Variants in ZNF892 observed in about 807,000 individuals in gnomAD.
The protein encoded by ZNF892 is zinc finger protein 570-like.
At chr2:95,233,264 A>C in the ZNF892 span, among the ~76,000 whole-genome samples, 2 of 151,312 alleles carry the variant, frequency 1.3e-5, no homozygotes, top group African/African-American at 4.9e-5. Context: ...CAGTGGTGCA[A>C]TTATAGCTCA....
the ZNF892 span, among the ~76,000 whole-genome samples, chr2:95,218,310 G>A: frequency 4.6e-5 from 7 of 152,234 alleles, no homozygotes; most frequent in East Asian, 1.4e-3. Flanking sequence ...TTTACTACAA[G>A]CACTAAGGGG....
At chr2:95,217,976 A>T in the ZNF892 span, among the ~76,000 whole-genome samples, 2 of 152,354 alleles carry the variant, frequency 1.3e-5, no homozygotes, top group South Asian at 4.1e-4. Flanking sequence ...ATATTCATAG[A>T]CAAATGGCTC....
the ZNF892 span, among the ~76,000 whole-genome samples, chr2:95,236,377 A>G: frequency 2.0e-5 from 3 of 152,256 alleles, no homozygotes; most frequent in Non-Finnish European, 4.4e-5. Context: ...TTAAGAGAAA[A>G]GAGAAAAGAG....
chr2:95,215,755 G>A, the ZNF892 span, among the ~76,000 whole-genome samples: 178 of 152,300 alleles, frequency 1.2e-3, 2 homozygotes, highest in East Asian at 0.016. Context: ...GACTGTGAAA[G>A]TATAGTTTTA....
chr2:95,243,122 G>A, the ZNF892 span, among the ~76,000 whole-genome samples: 1 of 152,220 alleles, frequency 6.6e-6, no homozygotes, highest in African/African-American at 2.4e-5. Context: ...GAGGTGCCAG[G>A]ATTGCAGACG....
the ZNF892 span, among the ~76,000 whole-genome samples, chr2:95,213,296 C>CTT: frequency 6.6e-6 from 1 of 152,166 alleles, no homozygotes; most frequent in African/African-American, 2.4e-5. Context: ...TGCTTTTAAC[C>CTT]TATTCTACCT....
the ZNF892 span, among the ~76,000 whole-genome samples, chr2:95,218,143 C>G: frequency 6.6e-6 from 1 of 152,180 alleles, no homozygotes; most frequent in African/African-American, 2.4e-5. Context: ...CCCATCTGAT[C>G]TATTTATCAA....
the ZNF892 span, chr2:95,214,845 C>A: frequency 2.0e-6 from 1 of 499,910 alleles, no homozygotes; most frequent in Non-Finnish European, 3.6e-6. Context: ...CCAGAGAATT[C>A]ATACTGGGGA....
chr2:95,224,399 A>G, the ZNF892 span, among the ~76,000 whole-genome samples: 1 of 152,144 alleles, frequency 6.6e-6, no homozygotes, highest in Non-Finnish European at 1.5e-5. Context: ...AGTAAGTTAT[A>G]AGGAAAAGAG....
At chr2:95,222,103 T>C in the ZNF892 span, among the ~76,000 whole-genome samples, 1 of 152,154 alleles carries the variant, frequency 6.6e-6, no homozygotes, top group Non-Finnish European at 1.5e-5. Flanking sequence ...ATTCCACCTG[T>C]GCTGCTTTTT....
At chr2:95,229,189 G>A in the ZNF892 span, among the ~76,000 whole-genome samples, 3 of 152,058 alleles carry the variant, frequency 2.0e-5, no homozygotes, top group African/African-American at 2.4e-5. Flanking sequence ...CCTCAACCAG[G>A]GCAAAATAAA....
chr2:95,215,452 A>G, the ZNF892 span: 46 of 442,072 alleles, frequency 1.0e-4, no homozygotes, highest in African/African-American at 8.5e-4. Context: ...GAAAAGCCCT[A>G]CAAGTGTAAG....
At chr2:95,215,486 G>C in the ZNF892 span, 39 of 431,450 alleles carry the variant, frequency 9.0e-5, no homozygotes, top group Non-Finnish European at 1.4e-4. Context: ...CCTTTAGCCA[G>C]AGTTCATCCC....
At chr2:95,243,161 G>A in the ZNF892 span, among the ~76,000 whole-genome samples, 117 of 152,240 alleles carry the variant, frequency 7.7e-4, 1 homozygote, top group Middle Eastern at 3.4e-3. Flanking sequence ...GCTCAGTGGT[G>A]CCCAGGCTGG....
the ZNF892 span, among the ~76,000 whole-genome samples, chr2:95,236,050 C>T: frequency 6.6e-6 from 1 of 152,162 alleles, no homozygotes; most frequent in African/African-American, 2.4e-5. Context: ...GCAGGGGACT[C>T]TGTGGGCAAG....
chr2:95,262,209 G>A, the ZNF892 span, among the ~76,000 whole-genome samples: 1 of 152,158 alleles, frequency 6.6e-6, no homozygotes, highest in Non-Finnish European at 1.5e-5. Context: ...AGAAGTGAGG[G>A]AGAACAGCCA....
the ZNF892 span, among the ~76,000 whole-genome samples, chr2:95,226,533 G>A: frequency 2.6e-5 from 4 of 152,174 alleles, no homozygotes; most frequent in Non-Finnish European, 4.4e-5. Context: ...ATCATGAATT[G>A]TGAGCTTACG....
chr2:95,244,368 G>A, the ZNF892 span, among the ~76,000 whole-genome samples: 2 of 150,122 alleles, frequency 1.3e-5, no homozygotes, highest in Non-Finnish European at 1.5e-5. Flanking sequence ...TATCAAACCT[G>A]TGGAAAACAG....
the ZNF892 span, among the ~76,000 whole-genome samples, chr2:95,252,347 G>A: frequency 1.3e-5 from 2 of 148,942 alleles, no homozygotes; most frequent in Admixed American, 6.9e-5. Context: ...TTGGTTTTTT[G>A]TCCTTGTGAG....
Sources: gnomAD v4.1 joint callset for allele counts (sites outside exome capture counted in the v4.1 genomes callset) on GRCh38, gnomAD v4.1.1 for gene constraint, MANE v1.5 for transcripts, NCBI Gene and HGNC (gene_info 2026-07-23, HGNC 2026-07-21) for gene names.